CLSTN2: variants seen among roughly 807,000 people sequenced by gnomAD.
CLSTN2 encodes the protein calsyntenin-2.
Under a neutral mutation model 101.2 loss-of-function variants are expected in CLSTN2, and 48 were observed. That is an observed-to-expected ratio of 0.47 (90% CI 0.38 to 0.60). The LOEUF is 0.60. Ranked by LOEUF, CLSTN2 falls within the 20% of genes least tolerant of loss-of-function variation. CLSTN2 has a pLI of 0.00. For missense variants in CLSTN2, 1,160 were observed against 1,238.2 expected (o/e 0.94, Z 0.95); for synonymous variants, 481 against 463.6 (o/e 1.04, Z -0.48).
At chr3:140,014,364 G>A (rs1324841388) in intron 1 of CLSTN2, among the ~76,000 whole-genome samples, 1 of 152,022 alleles carries the variant, frequency 6.6e-6, no homozygotes, top group Non-Finnish European at 1.5e-5. Flanking sequence ...GAGTACAGGT[G>A]CATGCTACCA....
At chr3:140,555,297 A>T (rs1935772215) in intron 10 of CLSTN2, among the ~76,000 whole-genome samples, 1 of 152,220 alleles carries the variant, frequency 6.6e-6, no homozygotes, top group Non-Finnish European at 1.5e-5. Context: ...GGGCAAAAAC[A>T]TATATCCTGC....
intron 8 of CLSTN2, among the ~76,000 whole-genome samples, chr3:140,525,355 C>T (rs1453186196): frequency 6.6e-6 from 1 of 152,122 alleles, no homozygotes; most frequent in Non-Finnish European, 1.5e-5. Context: ...AAAGTGGATA[C>T]ATTCCTGGTA....
At chr3:140,110,819 A>AGG (rs913794520) in intron 1 of CLSTN2, among the ~76,000 whole-genome samples, 2 of 152,152 alleles carry the variant, frequency 1.3e-5, no homozygotes, top group East Asian at 3.9e-4. Context: ...ACCTCTCTGG[A>AGG]GGAGGGCTGT....
At chr3:139,989,186 A>G (rs1370174513) in intron 1 of CLSTN2, among the ~76,000 whole-genome samples, 1 of 152,168 alleles carries the variant, frequency 6.6e-6, no homozygotes, top group East Asian at 1.9e-4. Context: ...TGCAAACCCT[A>G]TCAGAGCCTC....
chr3:140,304,250 A>G (rs1197120644), intron 2 of CLSTN2, among the ~76,000 whole-genome samples: 2 of 152,192 alleles, frequency 1.3e-5, no homozygotes, highest in African/African-American at 4.8e-5. Context: ...GGGTTCAGTT[A>G]CAAGTGAAGT....
intron 2 of CLSTN2, among the ~76,000 whole-genome samples, chr3:140,243,664 CTG>C (rs756531466): frequency 2.5e-4 from 38 of 152,186 alleles, no homozygotes; most frequent in Non-Finnish European, 4.1e-4. Context: ...ACACTCTAGA[CTG>C]AGAGAGCAAG....
At chr3:140,420,367 G>A (rs936669900) in intron 4 of CLSTN2, among the ~76,000 whole-genome samples, 5 of 150,778 alleles carry the variant, frequency 3.3e-5, no homozygotes, top group African/African-American at 1.2e-4. Context: ...AAGCTTAAAA[G>A]TATTAAATTC....
At chr3:140,197,564 C>G (rs2010661694) in intron 2 of CLSTN2, among the ~76,000 whole-genome samples, 1 of 152,132 alleles carries the variant, frequency 6.6e-6, no homozygotes, top group Non-Finnish European at 1.5e-5. Flanking sequence ...ATGGGCATTA[C>G]TCGTTCTGAT....
chr3:140,043,223 G>A lies in CLSTN2; in HGVS notation c.109+107740G>A, dbSNP rs373494748. Among the ~76,000 whole-genome samples the A allele has an allele frequency of 1.2e-4, 18 of 152,194 alleles. No homozygotes were observed. In the East Asian group the frequency reaches 3.3e-3, roughly 28 times the overall value. ...TTTTTAATGATCGCCATTCTAACTG[G>A]TGTGAGATGGTATCTCATTGTGGTT... On this transcript the variant is annotated intron_variant, in intron 1 of 16. Transcript: ENST00000458420.
chr3:140,182,766 T>A (rs1018029493), intron 2 of CLSTN2, among the ~76,000 whole-genome samples: 2 of 152,182 alleles, frequency 1.3e-5, no homozygotes, highest in African/African-American at 4.8e-5. Context: ...TTCTCCATCA[T>A]ATTCTGTGCT....
chr3:139,956,134 C>G (rs572884758), intron 1 of CLSTN2, among the ~76,000 whole-genome samples: 1 of 151,882 alleles, frequency 6.6e-6, no homozygotes, highest in African/African-American at 2.4e-5. Flanking sequence ...AACTGAGTCT[C>G]AGAGAGCTTC....
intron 2 of CLSTN2, among the ~76,000 whole-genome samples, chr3:140,338,469 C>A (rs1327163689): frequency 1.3e-5 from 2 of 152,192 alleles, no homozygotes; most frequent in African/African-American, 4.8e-5. Flanking sequence ...GTGTTTTTAG[C>A]CCTCGGAGCC....
chr3:140,333,251 A>G (rs1237832577), intron 2 of CLSTN2, among the ~76,000 whole-genome samples: 2 of 152,138 alleles, frequency 1.3e-5, no homozygotes, highest in African/African-American at 4.8e-5. Flanking sequence ...CTTCCATGCT[A>G]CCACCAGTGA....
intron 2 of CLSTN2, among the ~76,000 whole-genome samples, chr3:140,281,485 G>C (rs912523548): frequency 6.6e-6 from 1 of 152,152 alleles, no homozygotes; most frequent in African/African-American, 2.4e-5. Flanking sequence ...ACTGAGTTCC[G>C]TGGTCACTGC....
rs530381634 is a variant in CLSTN2 at position 140,292,241 on chromosome 3, G to A, written c.233-111388G>A. Among the ~76,000 whole-genome samples the A allele has an allele frequency of 3.3e-5, 5 of 152,246 alleles. No homozygotes were observed. The South Asian group carries it at 1.0e-3, about 32-fold the overall frequency. On this transcript the variant is annotated intron_variant, in intron 2 of 16. Transcript: ENST00000458420. Reference sequence around the variant, plus strand: ...CCTCCAACAGGCTGGATCCTTGCATGTGCTGCTCCTCCTCCTGGGAGCTGT... The same window carrying A: ...CCTCCAACAGGCTGGATCCTTGCATATGCTGCTCCTCCTCCTGGGAGCTGT...
intron 10 of CLSTN2, among the ~76,000 whole-genome samples, chr3:140,554,988 G>C (rs764568020): frequency 6.6e-6 from 1 of 152,184 alleles, no homozygotes; most frequent in Non-Finnish European, 1.5e-5. Context: ...GATAAGCTAA[G>C]TTATGCTACA....
intron 8 of CLSTN2, among the ~76,000 whole-genome samples, chr3:140,520,124 T>C (rs1934996543): frequency 1.3e-5 from 2 of 152,232 alleles, no homozygotes; most frequent in Admixed American, 1.3e-4. Flanking sequence ...ATGTTGAATA[T>C]TGTCCCCCAG....
intron 10 of CLSTN2, among the ~76,000 whole-genome samples, chr3:140,549,591 C>T (rs956013381): frequency 1.3e-5 from 2 of 150,652 alleles, no homozygotes; most frequent in Non-Finnish European, 2.9e-5. Context: ...GACCCCATTT[C>T]AAAACTAAGG....
chr3:140,422,201 C>G (rs1031469021), intron 5 of CLSTN2, among the ~76,000 whole-genome samples: 2 of 151,778 alleles, frequency 1.3e-5, no homozygotes, highest in African/African-American at 4.8e-5. Context: ...CTCTCTCTCT[C>G]TCTCTCTCTC....
Sources: gnomAD v4.1 joint callset for allele counts (sites outside exome capture counted in the v4.1 genomes callset) on GRCh38, gnomAD v4.1.1 for gene constraint, MANE v1.5 for transcripts, NCBI Gene and HGNC (gene_info 2026-07-23, HGNC 2026-07-21) for gene names.